The following TMEM132C variants were observed in gnomAD, a reference collection of about 807,000 sequenced individuals.
TMEM132C encodes the protein protein phosphatase 1, regulatory subunit 152.
In TMEM132C, 29 loss-of-function variants were observed where a neutral mutation model predicts 61.4. That is an observed-to-expected ratio of 0.47 (90% confidence interval 0.35 to 0.64). TMEM132C has a LOEUF of 0.64. Ranked by LOEUF, TMEM132C falls within the 30% of genes least tolerant of loss-of-function variation. TMEM132C has a pLI of 0.00. For synonymous variants in TMEM132C, 656 were observed against 633.1 expected, an observed-to-expected ratio of 1.04 and a Z score of -0.54; for missense variants, 1,408 against 1,476.9, an observed-to-expected ratio of 0.95 and a Z score of 0.76.
At chr12:128,639,239 A>G (rs1218628703) in intron 4 of TMEM132C, among the ~76,000 whole-genome samples, 1 of 148,764 alleles carries the variant, frequency 6.7e-6, no homozygotes, top group Non-Finnish European at 1.5e-5. Flanking sequence ...GGTGATGATG[A>G]TGGTGATAAT....
At chr12:128,497,954 C>T (rs892855176) in intron 2 of TMEM132C, among the ~76,000 whole-genome samples, 5 of 152,188 alleles carry the variant, frequency 3.3e-5, no homozygotes, top group Middle Eastern at 3.4e-3. Flanking sequence ...TGTTCCTATT[C>T]GGCCATCTTG....
chr12:128,336,283 C>T (rs967615157), intron 1 of TMEM132C, among the ~76,000 whole-genome samples: 4 of 152,060 alleles, frequency 2.6e-5, no homozygotes, highest in Admixed American at 6.6e-5. Context: ...TAAATATGTG[C>T]GTATATAAAG....
intron 4 of TMEM132C, among the ~76,000 whole-genome samples, chr12:128,626,688 G>A (rs558019367): frequency 6.6e-5 from 10 of 151,812 alleles, no homozygotes; most frequent in African/African-American, 9.7e-5. Context: ...CAAGTGATCC[G>A]CCTGCCTTGG....
intron 1 of TMEM132C, among the ~76,000 whole-genome samples, chr12:128,297,013 G>A (rs1871434598): frequency 6.6e-6 from 1 of 152,012 alleles, no homozygotes; most frequent in African/African-American, 2.4e-5. Context: ...GGTTTTTATG[G>A]ATGTAGGAAA....
intron 3 of TMEM132C, among the ~76,000 whole-genome samples, chr12:128,553,117 A>G (rs572288072): frequency 6.6e-6 from 1 of 152,302 alleles, no homozygotes; most frequent in East Asian, 1.9e-4. Flanking sequence ...GCCACACATA[A>G]TATATGCTAA....
chr12:128,406,663 C>T (rs1277153173), intron 1 of TMEM132C, among the ~76,000 whole-genome samples: 5 of 152,010 alleles, frequency 3.3e-5, no homozygotes, highest in Non-Finnish European at 7.4e-5. Flanking sequence ...ATTTAAACTT[C>T]GATAATAAAT....
At chr12:128,582,763 T>C (rs148946677) in intron 3 of TMEM132C, among the ~76,000 whole-genome samples, 39 of 152,284 alleles carry the variant, frequency 2.6e-4, no homozygotes, top group African/African-American at 9.4e-4. Flanking sequence ...CCTCTTTTTC[T>C]TCCCAGTCTC....
intron 4 of TMEM132C, among the ~76,000 whole-genome samples, chr12:128,656,157 T>C (rs1954323635): frequency 6.6e-6 from 1 of 152,204 alleles, no homozygotes. Flanking sequence ...CACAAGCGAT[T>C]CTCCTCCATC....
intron 1 of TMEM132C, among the ~76,000 whole-genome samples, chr12:128,365,716 A>G (rs1873844851): frequency 6.6e-6 from 1 of 152,150 alleles, no homozygotes; most frequent in East Asian, 1.9e-4. Context: ...ATCTCCGAGG[A>G]TGGCTCCTCT....
chr12:128,475,292 A>G lies in TMEM132C; in HGVS notation c.974+59672A>G, dbSNP rs897968870. On this transcript the variant is annotated intron_variant, in intron 2 of 8. Transcript: ENST00000435159. ...CTCAGGCTTACACATAAAAGGTCAC[A>G]TATTGTACTTATTTCTATTCCATTT... is the stretch of plus-strand genomic sequence containing the variant. Among the ~76,000 whole-genome samples the G allele has an allele frequency of 2.6e-5, 4 of 152,326 alleles. 1 individual carries two copies. The highest frequency in any genetic ancestry group is 9.6e-5 in the African/African-American group (4 of 41,568).
intron 1 of TMEM132C, among the ~76,000 whole-genome samples, chr12:128,314,214 G>A (rs1395582912): frequency 2.6e-5 from 4 of 152,188 alleles, no homozygotes; most frequent in Admixed American, 6.5e-5. Context: ...TCCCTGGAGT[G>A]AGAAAAGAAG....
chr12:128,706,530 A>C lies in TMEM132C; in HGVS notation c.*235A>C. On this transcript the variant is annotated 3_prime_UTR_variant, in exon 9 of 9. Coordinates refer to ENST00000435159, the MANE Select transcript of TMEM132C (RefSeq NM_001136103.3). The stretch of plus-strand genomic sequence containing the variant: ...ATAAAGTCTGGGGCATGGGGAGTGC[A>C]GACCAAGTTACTGAACTGCACAGGC... The C allele has an allele frequency of 2.1e-6, 1 of 480,136 alleles. No homozygotes were observed. Among genetic ancestry groups the C allele is most frequent in the African/African-American group, 1.9e-5 (1 of 51,976 alleles). 29.7% of individuals were successfully genotyped at this position (480,136 alleles called of 1,614,324 possible). A position where few individuals can be genotyped will look rare whatever the true frequency, so the allele number is the denominator to read the frequency against.
chr12:128,303,834 CAG>C (rs1388246863), intron 1 of TMEM132C, among the ~76,000 whole-genome samples: 1 of 152,140 alleles, frequency 6.6e-6, no homozygotes, highest in East Asian at 1.9e-4. Context: ...TTTCTGAGCT[CAG>C]ACCTCAGGAG....
intron 1 of TMEM132C, among the ~76,000 whole-genome samples, chr12:128,382,887 A>T (rs1170203879): frequency 6.6e-6 from 1 of 151,948 alleles, no homozygotes; most frequent in African/African-American, 2.4e-5. Context: ...TGCTGTGTGT[A>T]CCATATATGT....
chr12:128,466,921 G>A (rs1447687696), intron 2 of TMEM132C, among the ~76,000 whole-genome samples: 1 of 152,184 alleles, frequency 6.6e-6, no homozygotes, highest in African/African-American at 2.4e-5. Context: ...CAAATGTGCT[G>A]AGGGGAGGTA....
intron 2 of TMEM132C, among the ~76,000 whole-genome samples, chr12:128,540,126 T>C (rs1161279110): frequency 1.3e-5 from 2 of 152,226 alleles, no homozygotes; most frequent in Admixed American, 1.3e-4. Context: ...CATTTTGCTA[T>C]ATTTTTAATT....
At chr12:128,611,562 G>T (rs1876637415) in intron 3 of TMEM132C, among the ~76,000 whole-genome samples, 1 of 152,132 alleles carries the variant, frequency 6.6e-6, no homozygotes, top group South Asian at 2.1e-4. Flanking sequence ...TGCAGTTGGA[G>T]AATCACCACA....
rs11612338 is a variant in TMEM132C, at chr12:128,325,245, A to G, written c.85+57758A>G. Among the ~76,000 whole-genome samples, 1,192 of 151,840 alleles carry G rather than the reference A, an allele frequency of 7.9e-3. 11 individuals carry two copies. The highest frequency in any genetic ancestry group is 0.029 in the South Asian group (142 of 4,820). ...AAACAGAAAGAAAGAAACTAATAGC[A>G]GATCCCTAAATTCAATGCCCAGAAT... is the stretch of plus-strand genomic sequence containing the variant. On this transcript the variant is annotated intron_variant, in intron 1 of 8. Transcript: ENST00000435159.
At chr12:128,636,564 T>TTGTGTGTGTGTGTG (rs61201583) in intron 4 of TMEM132C, among the ~76,000 whole-genome samples, 82 of 142,350 alleles carry the variant, frequency 5.8e-4, no homozygotes, top group African/African-American at 2.0e-3. Context: ...GGGTTTTTGT[T>TTGTGTGTGTGTGTG]TGTGTGTGTG....
Sources: allele counts gnomAD v4.1 joint callset (sites outside exome capture counted in the v4.1 genomes callset), GRCh38; gene constraint gnomAD v4.1.1; transcripts MANE v1.5; gene names NCBI Gene and HGNC (gene_info 2026-07-23, HGNC 2026-07-21).